METTL4: variants seen among roughly 807,000 people sequenced by gnomAD.
METTL4 encodes the protein methyltransferase 4, N6-adenosine, also known as N(6)-adenine-specific methyltransferase METTL4.
Under a neutral mutation model 54.0 loss-of-function variants are expected in METTL4, and 40 were observed. The ratio of observed to expected loss-of-function variants is 0.74; its 90% CI spans 0.58 to 0.96. The LOEUF (loss-of-function observed/expected upper bound fraction) is 0.96, where lower values mean the gene tolerates loss of function less well. Among genes scored for constraint, METTL4 ranks in the 50% least tolerant of loss-of-function variants. METTL4 has a pLI of 0.00. For missense variants in METTL4, 525 were observed against 549.0 expected, an observed-to-expected ratio of 0.96 and a Z score of 0.44; for synonymous variants, 169 against 183.8, an observed-to-expected ratio of 0.92 and a Z score of 0.65.
At chr18:2,566,032 G>A (rs1325273439) in intron 2 of METTL4, among the ~76,000 whole-genome samples, 13 of 123,622 alleles carry the variant, frequency 1.1e-4, no homozygotes, top group Middle Eastern at 4.2e-3. Flanking sequence ...GGGTGACAGA[G>A]CAAGACTCTG....
intron 3 of METTL4, among the ~76,000 whole-genome samples, chr18:2,559,804 C>T (rs543768583): frequency 3.0e-4 from 46 of 152,192 alleles, no homozygotes; most frequent in African/African-American, 9.9e-4. Context: ...GGCATGATCT[C>T]GGCTTACCGC....
intron 8 of METTL4, chr18:2,540,634 C>G (rs1158661535): frequency 2.0e-6 from 2 of 985,266 alleles, no homozygotes; most frequent in African/African-American, 3.5e-5. Flanking sequence ...GCTTCTAACC[C>G]TTTCCTAAGT....
At position 2,539,118 on chromosome 18, in the gene METTL4, T is replaced by A. The variant is rs751016648; in HGVS notation, c.1301A>T (p.Asp434Val). Reference protein sequence around the residue: ...AEVLKDYIKPDGEYLELFARN... With the variant: ...AEVLKDYIKPVGEYLELFARN... ...AGCAAACAACTCCAAATATTCCCCA[T>A]CTGGCTTGATGTAGTCTTTTAAAAC... The change falls in exon 9 of 9, where the codon GAT becomes GTT. Residue 434 changes from aspartate (D) to valine (V), a missense_variant. Physicochemically the swap from Asp to Val is radical, Grantham distance 152 (BLOSUM62 -3). Coordinates refer to ENST00000574538, the MANE Select transcript of METTL4 (RefSeq NM_022840.5). 3.7e-6 allele frequency: 6 copies of A among 1,613,878 alleles called. No individual in the cohort carries two copies. The highest frequency in any genetic ancestry group is 4.2e-6 in the Non-Finnish European group (5 of 1,179,844).
At chr18:2,544,157 G>T in intron 8 of METTL4, 38 bp downstream of exon 8, 1 of 1,503,342 alleles carries the variant, frequency 6.7e-7, no homozygotes, top group South Asian at 1.2e-5. Flanking sequence ...TTTCAAATTT[G>T]ACAAAAGTGA....
At chr18:2,539,692 G>T (rs1418325846) in intron 8 of METTL4, 2 of 264,756 alleles carry the variant, frequency 7.6e-6, no homozygotes, top group Non-Finnish European at 1.2e-5. Context: ...GTGTTCCCCA[G>T]GCTGGTCTCG....
chr18:2,548,815 T>A (rs1342474633), intron 5 of METTL4, among the ~76,000 whole-genome samples: 1 of 152,216 alleles, frequency 6.6e-6, no homozygotes, highest in Non-Finnish European at 1.5e-5. Flanking sequence ...GCACTCTCAG[T>A]TCCCATCCTC....
At chr18:2,561,569 T>G (rs1287904393) in intron 3 of METTL4, 2 of 152,138 alleles carry the variant, frequency 1.3e-5, no homozygotes, top group East Asian at 1.9e-4. Flanking sequence ...ATCCTAAAAT[T>G]TATATGGGGA....
chr18:2,557,247 G>A (rs1458959079), intron 3 of METTL4, among the ~76,000 whole-genome samples: 1 of 152,006 alleles, frequency 6.6e-6, no homozygotes, highest in East Asian at 1.9e-4. Context: ...ATTTACCTAT[G>A]TACTGATCAG....
chr18:2,566,099 CAAATAAATAA>C (rs1334370077), intron 2 of METTL4, among the ~76,000 whole-genome samples: 1 of 148,916 alleles, frequency 6.7e-6, no homozygotes, highest in African/African-American at 2.4e-5. Context: ...ATAAAATAAA[CAAATAAATAA>C]AAATAAGTAA....
chr18:2,550,998 A>G (rs553989721), intron 5 of METTL4, among the ~76,000 whole-genome samples: 81 of 151,700 alleles, frequency 5.3e-4, no homozygotes, highest in Non-Finnish European at 9.6e-4. Flanking sequence ...CCCCGTCTCT[A>G]CTAAAAATAC....
At chr18:2,569,188 C>T (rs1296240872) in intron 1 of METTL4, 1 of 152,836 alleles carries the variant, frequency 6.5e-6, no homozygotes, top group Admixed American at 6.5e-5. Flanking sequence ...TCATTTTCAA[C>T]AGTAGTAAAT....
At chr18:2,542,152 A>T (rs942548715) in intron 8 of METTL4, among the ~76,000 whole-genome samples, 1 of 152,210 alleles carries the variant, frequency 6.6e-6, no homozygotes, top group Non-Finnish European at 1.5e-5. Context: ...GGAATGAGGA[A>T]GAACTGCATT....
At chr18:2,552,966 CATA>C (rs2072185514) in intron 4 of METTL4, 1 of 507,212 alleles carries the variant, frequency 2.0e-6, no homozygotes, top group Non-Finnish European at 3.5e-6. Flanking sequence ...AGAATTGTAT[CATA>C]ATGTTACCTA....
intron 3 of METTL4, among the ~76,000 whole-genome samples, 194 bp downstream of exon 3, chr18:2,563,600 CAAA>C (rs67428228): frequency 1.0e-5 from 1 of 97,852 alleles, no homozygotes; most frequent in Non-Finnish European, 1.9e-5. Context: ...GACTCTGCCT[CAAA>C]AAAAAAAAAA....
At chr18:2,560,427 A>T (rs972969238) in intron 3 of METTL4, among the ~76,000 whole-genome samples, 2 of 152,208 alleles carry the variant, frequency 1.3e-5, no homozygotes, top group African/African-American at 4.8e-5. Context: ...AAGTAAAAAG[A>T]AGGAAAACTT....
At chr18:2,555,837 T>C (rs2072231468) in intron 3 of METTL4, among the ~76,000 whole-genome samples, 2 of 148,378 alleles carry the variant, frequency 1.3e-5, no homozygotes, top group Non-Finnish European at 3.0e-5. Flanking sequence ...GGATGGTTGG[T>C]ATGTTTAAAA....
At chr18:2,562,788 T>C (rs2072341489) in intron 3 of METTL4, among the ~76,000 whole-genome samples, 1 of 152,060 alleles carries the variant, frequency 6.6e-6, no homozygotes, top group Admixed American at 6.6e-5. Context: ...TGGGGAGTTA[T>C]TAAATAATGG....
chr18:2,542,351 C>T (rs530294097), intron 8 of METTL4, among the ~76,000 whole-genome samples: 1 of 117,952 alleles, frequency 8.5e-6, no homozygotes, highest in Non-Finnish European at 1.7e-5. Flanking sequence ...TGCTATCCCT[C>T]CCCCCTCCCC....
chr18:2,553,699 C>A (rs992316142), intron 4 of METTL4: 2 of 152,066 alleles, frequency 1.3e-5, no homozygotes, highest in African/African-American at 4.8e-5. Flanking sequence ...GTCCTTTCTC[C>A]CCCTTTTATA....
Sources: gnomAD v4.1 joint callset for allele counts (sites outside exome capture counted in the v4.1 genomes callset) on GRCh38, gnomAD v4.1.1 for gene constraint, MANE v1.5 for transcripts, NCBI Gene and HGNC (gene_info 2026-07-23, HGNC 2026-07-21) for gene names.